The following NDUFS1 variants were observed in gnomAD, a reference collection of about 807,000 sequenced individuals.
NDUFS1 encodes the protein NADH:ubiquinone oxidoreductase core subunit S1.
A neutral mutation model predicts 84.4 loss-of-function variants in NDUFS1; 61 were observed. That is an observed-to-expected ratio of 0.72 (90% CI 0.59 to 0.89). The LOEUF (loss-of-function observed/expected upper bound fraction) is 0.89, where lower values mean the gene tolerates loss of function less well. Ranked by LOEUF, NDUFS1 falls within the 40% of genes least tolerant of loss-of-function variation. The pLI is 0.00. For synonymous variants in NDUFS1, 275 were observed against 290.0 expected, an observed-to-expected ratio of 0.95 and a Z score of 0.53; for missense variants, 891 against 890.0, an observed-to-expected ratio of 1.00 and a Z score of -0.01.
At position 206,130,415 on chromosome 2, in the gene NDUFS1, C is replaced by A. The variant is rs3770987; in HGVS notation, c.1554-173G>T. Among the ~76,000 whole-genome samples the A allele has an allele frequency of 0.49, 75,042 of 151,620 alleles. 19,338 individuals are homozygous for A. Among genetic ancestry groups the A allele is most frequent in the African/African-American group, 0.64 (26,203 of 41,098 alleles). On this transcript the variant is annotated intron_variant, in intron 14 of 18. Transcript: ENST00000233190. ...TGTCGCCCAGGCTGGAGCGCAGTGG[C>A]GTGATCTCGGCTCACTGTAACCTCT...
chr2:206,141,309 C>A (rs1406597979), intron 12 of NDUFS1, among the ~76,000 whole-genome samples: 3 of 151,824 alleles, frequency 2.0e-5, no homozygotes, highest in Non-Finnish European at 4.4e-5. Flanking sequence ...CTTTGGGAGG[C>A]TGAGGCGGGC....
intron 1 of NDUFS1, among the ~76,000 whole-genome samples, chr2:206,156,781 T>A (rs776260661): frequency 6.6e-6 from 1 of 152,228 alleles, no homozygotes; most frequent in Non-Finnish European, 1.5e-5. Flanking sequence ...GATACTGAAA[T>A]TGCAAATATC....
intron 7 of NDUFS1, 103 bp downstream of exon 7, chr2:206,147,428 C>A: frequency 8.4e-7 from 1 of 1,193,594 alleles, no homozygotes. Flanking sequence ...TCTTCTCCCA[C>A]CCAAAAAAAG....
intron 13 of NDUFS1, among the ~76,000 whole-genome samples, chr2:206,136,500 C>G (rs1313992668): frequency 6.9e-6 from 1 of 145,812 alleles, no homozygotes; most frequent in African/African-American, 2.6e-5. Flanking sequence ...GTGGCATGAT[C>G]TGAGCTCACT....
chr2:206,156,123 C>T (rs1336087135), intron 1 of NDUFS1, among the ~76,000 whole-genome samples: 4 of 151,206 alleles, frequency 2.6e-5, no homozygotes, highest in Admixed American at 2.0e-4. Flanking sequence ...AATAGCCGGG[C>T]GTGGTGGCAG....
At chr2:206,148,462 G>A (rs1447545644) in intron 5 of NDUFS1, among the ~76,000 whole-genome samples, 1 of 151,980 alleles carries the variant, frequency 6.6e-6, no homozygotes, top group Non-Finnish European at 1.5e-5. Flanking sequence ...GAGGAGCCTA[G>A]AATAAAGTAT....
chr2:206,158,101 T>A (rs1201463695), intron 1 of NDUFS1, among the ~76,000 whole-genome samples: 1 of 150,120 alleles, frequency 6.7e-6, no homozygotes, highest in East Asian at 2.0e-4. Flanking sequence ...GTAGCTGGAC[T>A]ACAGGCGCCC....
In NDUFS1 at chr2:206,117,846, G is replaced by T. The variant is rs764831516; in HGVS notation, c.*6339C>A. The T allele has an allele frequency of 3.3e-5, 5 of 152,080 alleles. No individual in the cohort carries two copies. The highest frequency in any genetic ancestry group is 7.4e-5 in the Non-Finnish European group (5 of 68,026). 9.4% of individuals were successfully genotyped at this position (152,080 alleles called of 1,614,324 possible). On this transcript the variant is annotated 3_prime_UTR_variant, in exon 19 of 19. Coordinates refer to ENST00000233190, the MANE Select transcript of NDUFS1 (RefSeq NM_005006.7). The stretch of plus-strand genomic sequence containing the variant: ...CCATTTCCACAATTATAAAATGCAG[G>T]TATAATACTAAAATTTTTTTTTGTA...
At chr2:206,126,651 T>C (rs374212468) in intron 17 of NDUFS1, 40 bp from the exon 18 acceptor site, 26 of 1,614,018 alleles carry the variant, frequency 1.6e-5, no homozygotes, top group Middle Eastern at 1.6e-4. Context: ...TATGGAAAAC[T>C]AGTACTGTTA....
Position 206,147,644 on chromosome 2 carries a change from A to G in NDUFS1, c.438T>C (p.Phe146=), listed in dbSNP as rs752686161. 1.2e-6 allele frequency: 2 copies of G among 1,614,182 alleles called. No individual in the cohort carries two copies. Among genetic ancestry groups the G allele is most frequent in the Non-Finnish European group, 1.7e-6 (2 of 1,180,036 alleles). The change falls in exon 7 of 19, where the codon TTT becomes TTC. Residue 146 remains phenylalanine, a synonymous_variant. Coordinates refer to ENST00000233190, the MANE Select transcript of NDUFS1 (RefSeq NM_005006.7). The stretch of plus-strand genomic sequence containing the variant: ...CTAAAAATCGGCTCCTATCATTTCC[A>G]AACATCATGGACTGGTCCTTAAGTA... The part of the protein sequence containing the change: ...ECDLQDQSMM[F]GNDRSRFLEG...
At chr2:206,145,728 G>A (rs960213032) in intron 8 of NDUFS1, among the ~76,000 whole-genome samples, 1 of 152,158 alleles carries the variant, frequency 6.6e-6, no homozygotes, top group African/African-American at 2.4e-5. Context: ...CTCCTCCTAT[G>A]CTCCTCTCCA....
rs1690972467 is a variant in NDUFS1 at position 206,117,295 on chromosome 2, ATATGT to A, written c.*6885_*6889del. ...GTGTTATGTACTTACCTCTATTAGA[ATATGT>A]TATGTCATTACTATAATTGATGCCT... is the stretch of plus-strand genomic sequence containing the variant. On this transcript the variant is annotated 3_prime_UTR_variant, in exon 19 of 19. Transcript: ENST00000233190. 1 of 152,376 alleles carries A rather than the reference ATATGT, an allele frequency of 6.6e-6. No individual in the cohort carries two copies. Among genetic ancestry groups the A allele is most frequent in the African/African-American group, 2.4e-5 (1 of 41,596 alleles). The allele number at this position is 152,376 out of a possible 1,614,324, so 9.4% of individuals were successfully genotyped here.
chr2:206,147,506 TAGAAAAAAA>T lies in NDUFS1; in HGVS notation c.551+16_551+24del. On this transcript the variant is annotated intron_variant, in intron 7 of 18. Coordinates refer to ENST00000233190, the MANE Select transcript of NDUFS1 (RefSeq NM_005006.7). ...TTAAGTATACAATTATATTCTATAA[TAGAAAAAAA>T]AGGAAAAAAAGTTACCTGATGCAGC... The T allele has an allele frequency of 1.3e-6, 2 of 1,599,570 alleles. No individual in the cohort carries two copies. The highest frequency in any genetic ancestry group is 4.5e-5 in the East Asian group (2 of 44,394).
At position 206,142,772 on chromosome 2, in the gene NDUFS1, T is replaced by G. The variant is rs1468825462; in HGVS notation, c.1047A>C (p.Glu349Asp). The G allele has an allele frequency of 6.2e-7, 1 of 1,614,092 alleles. No homozygotes were observed. Among genetic ancestry groups the G allele is most frequent in the Non-Finnish European group, 8.5e-7 (1 of 1,180,040 alleles). The change falls in exon 11 of 19, where the codon GAA becomes GAC. Residue 349 changes from glutamate to aspartate, a missense_variant. By Grantham distance (45) the Glu-to-Asp change is conservative (BLOSUM62 2). Transcript: ENST00000233190. ...AAIAGGLVDA[E>D]ALVALKDLLN... ...GCAAATCTTTGAGAGCTACCAGGGC[T>G]TCAGCATCCACCAAGCCACCTGCAA...
chr2:206,116,634 C>T lies in NDUFS1; in HGVS notation c.*7551G>A. On this transcript the variant is annotated 3_prime_UTR_variant, in exon 19 of 19. Transcript: ENST00000233190. ...GGTGTGTTGGCTCACATGTGTAATT[C>T]CAGAACTTTGGGAGGTCAAGGTGGG... 1 of 451,804 alleles carries T rather than the reference C, an allele frequency of 2.2e-6. No individual in the cohort carries two copies. The highest frequency in any genetic ancestry group is 2.2e-5 in the South Asian group (1 of 44,562). The allele number at this position is 451,804 out of a possible 1,614,324, so 28.0% of individuals were successfully genotyped here. A position where few individuals can be genotyped will look rare whatever the true frequency, so the allele number is the denominator to read the frequency against.
chr2:206,148,539 C>A (rs1692247466), intron 5 of NDUFS1, among the ~76,000 whole-genome samples: 1 of 152,146 alleles, frequency 6.6e-6, no homozygotes, highest in East Asian at 1.9e-4. Context: ...AATCCCAGAA[C>A]TATGGGAGGG....
chr2:206,141,898 T>C (rs748508991), intron 12 of NDUFS1, 43 bp downstream of exon 12: 1 of 1,549,266 alleles, frequency 6.5e-7, no homozygotes, highest in Non-Finnish European at 8.9e-7. Flanking sequence ...AACAAAAAAA[T>C]TACATAAATA....
At position 206,120,791 on chromosome 2, in the gene NDUFS1, C is replaced by T. The variant is rs573175777; in HGVS notation, c.*3394G>A. On this transcript the variant is annotated 3_prime_UTR_variant, in exon 19 of 19. Coordinates refer to ENST00000233190, the MANE Select transcript of NDUFS1 (RefSeq NM_005006.7). The stretch of plus-strand genomic sequence containing the variant: ...TCATGTGGCAGAGAAGGAAAAAGCA[C>T]TTTGAGGAGAGGAATACAAGCAGGC... 6.6e-6 allele frequency: 1 copy of T among 152,196 alleles called. No homozygotes were observed. The highest frequency in any genetic ancestry group is 6.5e-5 in the Admixed American group (1 of 15,272). The allele number at this position is 152,196 out of a possible 1,614,324, so 9.4% of individuals were successfully genotyped here. A position where few individuals can be genotyped will look rare whatever the true frequency, so the allele number is the denominator to read the frequency against.
At chr2:206,142,547 A>T in intron 11 of NDUFS1, 139 bp downstream of exon 11, 1 of 1,070,188 alleles carries the variant, frequency 9.3e-7, no homozygotes, top group Non-Finnish European at 1.4e-6. Flanking sequence ...TCTATTTCCT[A>T]CAACTTCTGG....
Sources: allele counts gnomAD v4.1 joint callset (sites outside exome capture counted in the v4.1 genomes callset), GRCh38; gene constraint gnomAD v4.1.1; transcripts MANE v1.5; gene names NCBI Gene and HGNC (gene_info 2026-07-23, HGNC 2026-07-21).